DCT: variants seen among roughly 807,000 people sequenced by gnomAD.
The protein encoded by DCT is dopachrome tautomerase, also known as L-dopachrome tautomerase.
Under a neutral mutation model 53.0 loss-of-function variants are expected in DCT, and 47 were observed. The observed-to-expected ratio is 0.89, with a 90% CI of 0.70 to 1.13. The LOEUF (loss-of-function observed/expected upper bound fraction) is 1.13, where lower values mean the gene tolerates loss of function less well. Among genes scored for constraint, DCT ranks in the 50% most tolerant of loss-of-function variants. The pLI is 0.00. For missense variants in DCT, 669 were observed against 637.4 expected (o/e 1.05, Z -0.53); for synonymous variants, 244 against 237.0 (o/e 1.03, Z -0.27).
At chr13:94,497,400 T>A in the DCT span, among the ~76,000 whole-genome samples, 97,864 of 151,998 alleles carry the variant, frequency 0.64, 31,723 homozygotes, top group African/African-American at 0.69. Context: ...CCCTTGAACA[T>A]CATGGGGTTA....
rs772918072 is a variant in DCT at position 94,462,120 on chromosome 13, T to C, written c.933A>G (p.Gln311=). The change falls in exon 5 of 8, where the codon CAA becomes CAG. Residue 311 remains glutamine (Q), a synonymous_variant. Coordinates refer to ENST00000377028, the MANE Select transcript of DCT (RefSeq NM_001922.5). ...GCAATTTCATGCTGTTTCTTCCCAT[T>C]TGATTTCTTCTCAGCAAACCTTCAT... ...GTYEGLLRRN[Q]MGRNSMKLPT... The C allele has an allele frequency of 1.9e-5, 31 of 1,613,178 alleles. No homozygotes were observed. The highest frequency in any genetic ancestry group is 2.2e-5 in the Non-Finnish European group (26 of 1,179,682).
At chr13:94,519,730 T>G in the DCT span, among the ~76,000 whole-genome samples, 1 of 152,122 alleles carries the variant, frequency 6.6e-6, no homozygotes, top group Admixed American at 6.5e-5. Context: ...TAGAGGCCAG[T>G]GGTTGCCTTG....
rs772228009 is a variant in DCT at position 94,460,129 on chromosome 13, C to A, written c.1141G>T (p.Ala381Ser). The A allele has an allele frequency of 6.2e-7, 1 of 1,614,070 alleles. No individual in the cohort carries two copies. Among genetic ancestry groups the A allele is most frequent in the South Asian group, 1.1e-5 (1 of 91,074 alleles). ...LVHSFLNGTN[A>S]LPHSAANDPI... The stretch of plus-strand genomic sequence containing the variant: ...TCATTGGCGGCTGAATGTGGCAAAG[C>A]GTTTGTCCCGTTCAGGAAGGAATGA... Residue 381 changes from alanine (A) to serine (S), a missense_variant, in exon 6 of 8, where the codon GCT (alanine) becomes TCT (serine). Transcript: ENST00000377028.
the DCT span, among the ~76,000 whole-genome samples, chr13:94,533,014 A>G: frequency 2.0e-5 from 3 of 152,202 alleles, no homozygotes; most frequent in Admixed American, 6.5e-5. Context: ...CTTTTTGTCC[A>G]AAGGATGCTT....
the DCT span, among the ~76,000 whole-genome samples, chr13:94,497,460 C>T: frequency 6.6e-6 from 1 of 152,184 alleles, no homozygotes; most frequent in Non-Finnish European, 1.5e-5. Context: ...GCTTTTAACT[C>T]CCCCAAAACT....
chr13:94,446,409 C>T (rs1162276080), intron 6 of DCT, among the ~76,000 whole-genome samples: 4 of 152,164 alleles, frequency 2.6e-5, no homozygotes, highest in African/African-American at 9.7e-5. Context: ...AAATCACACA[C>T]ACTGTACATA....
upstream of DCT, among the ~76,000 whole-genome samples, chr13:94,483,839 G>C (rs1372319103): frequency 6.6e-6 from 1 of 152,076 alleles, no homozygotes; most frequent in African/African-American, 2.4e-5. Flanking sequence ...CATCAGCATG[G>C]TCTTTTTTAC....
the DCT span, among the ~76,000 whole-genome samples, chr13:94,545,214 T>C: frequency 8.3e-3 from 1,270 of 152,132 alleles, 15 homozygotes; most frequent in Middle Eastern, 0.034. Context: ...AGATTACATT[T>C]TTAGATGTTA....
intron 1 of DCT, among the ~76,000 whole-genome samples, chr13:94,473,365 A>G (rs1279250560): frequency 1.3e-5 from 2 of 152,208 alleles, no homozygotes; most frequent in African/African-American, 4.8e-5. Flanking sequence ...TTCTGAGTGC[A>G]TTTAAGGTAG....
the DCT span, among the ~76,000 whole-genome samples, chr13:94,539,489 T>C: frequency 6.6e-6 from 1 of 152,204 alleles, no homozygotes; most frequent in Non-Finnish European, 1.5e-5. Context: ...TACACCTGGA[T>C]TTCATTCCTG....
chr13:94,501,014 T>C, the DCT span, among the ~76,000 whole-genome samples: 1 of 152,096 alleles, frequency 6.6e-6, no homozygotes, highest in Admixed American at 6.5e-5. Context: ...TTTAAAAGAA[T>C]TTGGCACTTT....
At chr13:94,478,774 GT>G (rs1226724501) in intron 1 of DCT, among the ~76,000 whole-genome samples, 186 bp downstream of exon 1, 2 of 152,266 alleles carry the variant, frequency 1.3e-5, no homozygotes, top group Non-Finnish European at 2.9e-5. Flanking sequence ...ATAACTAGAT[GT>G]ACTAGAGGGT....
At chr13:94,441,037 C>A (rs1882268219) in intron 7 of DCT, among the ~76,000 whole-genome samples, 1 of 152,138 alleles carries the variant, frequency 6.6e-6, no homozygotes, top group East Asian at 1.9e-4. Context: ...AAATTATATT[C>A]TCCTTGGCCA....
the DCT span, among the ~76,000 whole-genome samples, chr13:94,503,490 G>T: frequency 6.6e-6 from 1 of 151,940 alleles, no homozygotes; most frequent in South Asian, 2.1e-4. Context: ...GAAAGTTAAG[G>T]ATCTTAAAAT....
intron 1 of DCT, among the ~76,000 whole-genome samples, chr13:94,478,279 C>T (rs966469890): frequency 6.6e-6 from 1 of 151,434 alleles, no homozygotes; most frequent in Non-Finnish European, 1.5e-5. Flanking sequence ...GTCAGGAGTT[C>T]GGGACCAGCT....
intron 6 of DCT, among the ~76,000 whole-genome samples, chr13:94,446,035 C>G (rs1229806582): frequency 1.3e-5 from 2 of 152,142 alleles, no homozygotes; most frequent in Non-Finnish European, 2.9e-5. Context: ...CTGCTGCCCC[C>G]TGGGTGGGAG....
intron 6 of DCT, among the ~76,000 whole-genome samples, chr13:94,457,978 C>A (rs1883519664): frequency 6.6e-6 from 1 of 152,180 alleles, no homozygotes; most frequent in Non-Finnish European, 1.5e-5. Context: ...CGACAGCAGA[C>A]AAGGCCACTC....
At chr13:94,474,460 C>T (rs1328777448) in intron 1 of DCT, among the ~76,000 whole-genome samples, 1 of 152,162 alleles carries the variant, frequency 6.6e-6, no homozygotes, top group Non-Finnish European at 1.5e-5. Context: ...CTTTCATCTA[C>T]AGAAATCAAA....
chr13:94,443,143 A>T (rs993632908), intron 7 of DCT, among the ~76,000 whole-genome samples: 1 of 152,218 alleles, frequency 6.6e-6, no homozygotes, highest in African/African-American at 2.4e-5. Context: ...CAATAAACTC[A>T]GAGAGAATTG....
Sources: gnomAD v4.1 joint callset for allele counts (sites outside exome capture counted in the v4.1 genomes callset) on GRCh38, gnomAD v4.1.1 for gene constraint, MANE v1.5 for transcripts, NCBI Gene and HGNC (gene_info 2026-07-23, HGNC 2026-07-21) for gene names.